FHIT: variants seen among roughly 807,000 people sequenced by gnomAD.
The protein encoded by FHIT is bis(5'-adenosyl)-triphosphatase.
A neutral mutation model predicts 17.9 loss-of-function variants in FHIT; 19 were observed. That is an observed-to-expected ratio of 1.06 (90% CI 0.74 to 1.56). The LOEUF (loss-of-function observed/expected upper bound fraction) is 1.56. Among genes scored for constraint, FHIT ranks in the 40% most tolerant of loss-of-function variants. The pLI, the probability that FHIT is intolerant of heterozygous loss-of-function variation, is 0.00. For synonymous variants in FHIT, 81 were observed against 69.7 expected, an observed-to-expected ratio of 1.16 and a Z score of -0.81; for missense variants, 248 against 189.2, an observed-to-expected ratio of 1.31 and a Z score of -1.82.
rs1700708057 is a variant in FHIT at position 59,748,270 on chromosome 3, G to C, written c.*1315C>G. On this transcript the variant is annotated 3_prime_UTR_variant, in exon 10 of 10. Transcript: ENST00000492590. ...GAATCAAGTAAATAATGCTCTAGGT[G>C]GTCCACAAAGATAAGAAAAATCATG... is the stretch of plus-strand genomic sequence containing the variant. 1.3e-5 allele frequency among the ~76,000 whole-genome samples: 2 copies of C among 151,846 alleles called. No homozygotes were observed. The highest frequency in any genetic ancestry group is 4.8e-5 in the African/African-American group (2 of 41,314).
chr3:60,137,849 C>A (rs1261838105), intron 5 of FHIT, among the ~76,000 whole-genome samples: 1 of 152,070 alleles, frequency 6.6e-6, no homozygotes, highest in East Asian at 1.9e-4. Context: ...AATATTTAAG[C>A]AACATCTACA....
At chr3:59,797,517 A>G (rs977186855) in intron 8 of FHIT, among the ~76,000 whole-genome samples, 4 of 152,230 alleles carry the variant, frequency 2.6e-5, no homozygotes, top group African/African-American at 9.6e-5. Context: ...TGATAGGCAA[A>G]TACATCTAAT....
At chr3:61,205,093 T>C (rs1482856235) in intron 1 of FHIT, among the ~76,000 whole-genome samples, 3 of 151,616 alleles carry the variant, frequency 2.0e-5, no homozygotes, top group Non-Finnish European at 4.4e-5. Flanking sequence ...GTCCTTGTGA[T>C]AGTTTGCAGA....
At chr3:61,136,214 T>TCAC (rs2036910623) in intron 2 of FHIT, among the ~76,000 whole-genome samples, 1 of 151,572 alleles carries the variant, frequency 6.6e-6, no homozygotes, top group African/African-American at 2.4e-5. Flanking sequence ...ACCACCACCG[T>TCAC]CACCACGCCC....
chr3:60,932,161 A>G (rs9754838), intron 3 of FHIT, among the ~76,000 whole-genome samples: 91,623 of 152,020 alleles, frequency 0.6, 27,945 homozygotes, highest in East Asian at 0.73. Context: ...ATAAAAAACC[A>G]TTGTGCTAAG....
chr3:60,097,267 A>C (rs1703991729), intron 5 of FHIT, among the ~76,000 whole-genome samples: 1 of 152,052 alleles, frequency 6.6e-6, no homozygotes, highest in South Asian at 2.1e-4. Flanking sequence ...GAAGATGAGG[A>C]GCTTAAATGG....
Position 59,757,605 on chromosome 3 carries a change from A to G in FHIT, c.349-5284T>C, listed in dbSNP as rs550007544. On this transcript the variant is annotated intron_variant, in intron 8 of 9. Coordinates refer to ENST00000492590, the MANE Select transcript of FHIT (RefSeq NM_002012.4). ...ATTTAAATGTTTTTCAGAATTTGGAACGAACCTGGAGTAAAATGCCAAATT... is the reference window on the plus strand; with the variant it reads ...ATTTAAATGTTTTTCAGAATTTGGAGCGAACCTGGAGTAAAATGCCAAATT... Among the ~76,000 whole-genome samples, 16 of 152,346 alleles carry G rather than the reference A, an allele frequency of 1.1e-4. No homozygotes were observed. The South Asian group carries it at 3.3e-3, about 32-fold the overall frequency.
intron 5 of FHIT, among the ~76,000 whole-genome samples, chr3:60,286,786 C>T (rs559658957): frequency 6.6e-6 from 1 of 152,234 alleles, no homozygotes; most frequent in East Asian, 1.9e-4. Context: ...ATTTTAATGT[C>T]ACTGAAAGGT....
chr3:61,147,236 T>C (rs1157761049), intron 2 of FHIT, among the ~76,000 whole-genome samples: 1 of 152,032 alleles, frequency 6.6e-6, no homozygotes, highest in East Asian at 1.9e-4. Context: ...CAAAACGTTC[T>C]GTTGAGGCGA....
At chr3:60,418,324 T>C (rs1226853375) in intron 5 of FHIT, among the ~76,000 whole-genome samples, 5 of 146,426 alleles carry the variant, frequency 3.4e-5, no homozygotes, top group East Asian at 4.0e-4. Context: ...GCTATATTCA[T>C]ACATTAAATA....
chr3:60,309,351 A>G (rs6776005), intron 5 of FHIT, among the ~76,000 whole-genome samples: 21,393 of 151,918 alleles, frequency 0.14, 1,587 homozygotes, highest in African/African-American at 0.17. Flanking sequence ...CACTTCTGAC[A>G]CTTTGGTATA....
chr3:60,975,300 G>T (rs551704221), intron 3 of FHIT, among the ~76,000 whole-genome samples: 1 of 152,248 alleles, frequency 6.6e-6, no homozygotes, highest in South Asian at 2.1e-4. Flanking sequence ...GTGGCATTAA[G>T]GTGAAATTAA....
At chr3:60,328,048 G>A (rs774488938) in intron 5 of FHIT, among the ~76,000 whole-genome samples, 4 of 152,306 alleles carry the variant, frequency 2.6e-5, no homozygotes, top group South Asian at 4.1e-4. Context: ...CAGGGAAGAA[G>A]CAAGAAAGAG....
rs910690342 is a variant in FHIT at position 60,506,384 on chromosome 3, A to T, written c.103+30476T>A. On this transcript the variant is annotated intron_variant, in intron 5 of 9. Transcript: ENST00000492590. ...TTGGAGAAATTATTTATCATATATT[A>T]TCTATATTACAGAGATTGTGTTTGG... 2.6e-5 allele frequency among the ~76,000 whole-genome samples: 4 copies of T among 152,292 alleles called. No homozygotes were observed. The South Asian group carries it at 8.3e-4, about 32-fold the overall frequency.
chr3:60,069,456 T>C (rs1004865852), intron 5 of FHIT, among the ~76,000 whole-genome samples: 6 of 152,200 alleles, frequency 3.9e-5, no homozygotes, highest in African/African-American at 1.4e-4. Flanking sequence ...CATATATTCA[T>C]TGAGCACATA....
intron 8 of FHIT, among the ~76,000 whole-genome samples, chr3:59,794,794 T>C (rs1250384503): frequency 1.3e-5 from 2 of 152,226 alleles, no homozygotes; most frequent in Non-Finnish European, 2.9e-5. Flanking sequence ...GAGACAGCTC[T>C]CAAAGCTAGG....
chr3:59,774,347 G>C (rs901084195), intron 8 of FHIT, among the ~76,000 whole-genome samples: 8 of 152,188 alleles, frequency 5.3e-5, no homozygotes, highest in African/African-American at 1.9e-4. Context: ...TTTAGAGAAA[G>C]TATGCAGACC....
intron 5 of FHIT, among the ~76,000 whole-genome samples, chr3:60,532,050 T>C (rs2035806551): frequency 6.6e-6 from 1 of 152,230 alleles, no homozygotes; most frequent in African/African-American, 2.4e-5. Context: ...TAATGTTGTA[T>C]GGCCCTGGTA....
At chr3:60,162,055 A>T (rs1700964132) in intron 5 of FHIT, among the ~76,000 whole-genome samples, 1 of 152,136 alleles carries the variant, frequency 6.6e-6, no homozygotes, top group Non-Finnish European at 1.5e-5. Context: ...ATGTATGGGG[A>T]AATGTTAGAA....
Sources: allele counts gnomAD v4.1 joint callset (sites outside exome capture counted in the v4.1 genomes callset), GRCh38; gene constraint gnomAD v4.1.1; transcripts MANE v1.5; gene names NCBI Gene and HGNC (gene_info 2026-07-23, HGNC 2026-07-21).